Variants in SV2B observed in about 807,000 individuals in gnomAD.
SV2B encodes the protein synaptic vesicle glycoprotein 2B.
SV2B carries 41 observed loss-of-function variants against 73.9 expected under a neutral mutation model. The observed-to-expected ratio is 0.56, with a 90% CI of 0.43 to 0.72. The LOEUF (loss-of-function observed/expected upper bound fraction) is 0.72. Ranked by LOEUF, SV2B falls within the 30% of genes least tolerant of loss-of-function variation. The pLI is 0.00. For missense variants in SV2B, 764 were observed against 857.8 expected (o/e 0.89, Z 1.37); for synonymous variants, 314 against 314.2 (o/e 1.00, Z 0.01).
intron 1 of SV2B, among the ~76,000 whole-genome samples, chr15:91,154,229 T>C (rs929611184): frequency 3.3e-5 from 5 of 150,946 alleles, no homozygotes; most frequent in African/African-American, 1.2e-4. Context: ...GATACTTTTT[T>C]ATAGACCAGT....
At chr15:91,198,455 ATG>A (rs5814467) in intron 1 of SV2B, among the ~76,000 whole-genome samples, 51,125 of 136,526 alleles carry the variant, frequency 0.37, 10,546 homozygotes, top group East Asian at 0.64. Flanking sequence ...AAGCACGTGT[ATG>A]TGTGTGTGTG....
intron 1 of SV2B, among the ~76,000 whole-genome samples, chr15:91,133,256 C>T (rs1186004234): frequency 6.6e-6 from 1 of 152,132 alleles, no homozygotes; most frequent in African/African-American, 2.4e-5. Flanking sequence ...AACAGCATTT[C>T]CTGTTGGGGC....
intron 1 of SV2B, among the ~76,000 whole-genome samples, chr15:91,164,641 G>A (rs2043845382): frequency 6.6e-6 from 1 of 152,142 alleles, no homozygotes; most frequent in African/African-American, 2.4e-5. Flanking sequence ...GTACACTAGG[G>A]TCTAGGGATA....
intron 2 of SV2B, among the ~76,000 whole-genome samples, chr15:91,248,266 A>C (rs1425866807): frequency 6.6e-6 from 1 of 152,182 alleles, no homozygotes; most frequent in East Asian, 1.9e-4. Context: ...GCTTGCAGTG[A>C]GCCGAGATCG....
Position 91,297,500 on chromosome 15 carries a change from G to T in SV2B, c.*4948G>T, listed in dbSNP as rs2141839062. 6.6e-6 allele frequency: 1 copy of T among 152,294 alleles called. No individual in the cohort carries two copies. The highest frequency in any genetic ancestry group is 1.5e-5 in the Non-Finnish European group (1 of 68,022). 9.4% of individuals were successfully genotyped at this position (152,294 alleles called of 1,614,324 possible). A position where few individuals can be genotyped will look rare whatever the true frequency, so the allele number is the denominator to read the frequency against. On this transcript the variant is annotated 3_prime_UTR_variant, in exon 13 of 13. Coordinates refer to ENST00000394232, the MANE Select transcript of SV2B (RefSeq NM_001323032.3). The surrounding 1 kb of genome is among the most constrained non-coding windows in gnomAD (Gnocchi z 5.1). ...CACTCTTCAAGGCCCCATCCCCAGA[G>T]ATTCGGATTCTGGGGATTTGGAATC...
At chr15:91,156,444 A>G (rs1183357919) in intron 1 of SV2B, among the ~76,000 whole-genome samples, 1 of 152,244 alleles carries the variant, frequency 6.6e-6, no homozygotes, top group African/African-American at 2.4e-5. Context: ...TTTAAGCACC[A>G]GATTCGTGAA....
At chr15:91,263,477 G>GAC (rs377065333) in intron 6 of SV2B, among the ~76,000 whole-genome samples, 4 of 147,686 alleles carry the variant, frequency 2.7e-5, no homozygotes, top group Non-Finnish European at 6.0e-5. Flanking sequence ...GACACACAGG[G>GAC]ACACACACAC....
Position 91,141,729 on chromosome 15 carries a change from G to C in SV2B, c.-392+41366G>C, listed in dbSNP as rs1302502376. Among the ~76,000 whole-genome samples the C allele has an allele frequency of 7.0e-6, 1 of 143,862 alleles. No individual in the cohort carries two copies. Among genetic ancestry groups the C allele is most frequent in the Non-Finnish European group, 1.5e-5 (1 of 65,566 alleles). The allele number at this position is 143,862 out of a possible 152,430, so 94.4% of individuals were successfully genotyped here. A position where few individuals can be genotyped will look rare whatever the true frequency, so the allele number is the denominator to read the frequency against. On this transcript the variant is annotated intron_variant, in intron 1 of 12. Coordinates refer to ENST00000394232, the MANE Select transcript of SV2B (RefSeq NM_001323032.3). The surrounding 1 kb of genome is among the most constrained non-coding windows in gnomAD (Gnocchi z 4.6). The stretch of plus-strand genomic sequence containing the variant: ...TTCAAGCCAATAGAGTTGCCAAATA[G>C]TTTGGGTTTTGTTTTGTTTTTTTTT...
chr15:91,173,858 G>A (rs997251598), intron 1 of SV2B, among the ~76,000 whole-genome samples: 5 of 152,126 alleles, frequency 3.3e-5, no homozygotes, highest in African/African-American at 1.2e-4. Flanking sequence ...ATCCTCTAAC[G>A]TGCAAGTCTC....
At chr15:91,108,966 G>C (rs1194917896) in intron 1 of SV2B, among the ~76,000 whole-genome samples, 1 of 152,194 alleles carries the variant, frequency 6.6e-6, no homozygotes, top group African/African-American at 2.4e-5. Flanking sequence ...TCAGTTGTTA[G>C]AGCTTGATTC....
At chr15:91,144,636 C>T (rs2043092907) in intron 1 of SV2B, among the ~76,000 whole-genome samples, 1 of 152,168 alleles carries the variant, frequency 6.6e-6, no homozygotes, top group East Asian at 1.9e-4. Context: ...GAGTTTGTGG[C>T]CAGCTCAGAG....
chr15:91,215,259 C>G (rs979569415), intron 1 of SV2B, among the ~76,000 whole-genome samples: 3 of 152,210 alleles, frequency 2.0e-5, no homozygotes, highest in Non-Finnish European at 4.4e-5. Context: ...CACAATGAAA[C>G]TGTTTCCTGG....
chr15:91,277,158 T>C (rs1026023626), intron 9 of SV2B, among the ~76,000 whole-genome samples: 1 of 152,210 alleles, frequency 6.6e-6, no homozygotes, highest in African/African-American at 2.4e-5. Context: ...TGTCTTGTAA[T>C]GTTGGGTTGC....
intron 1 of SV2B, among the ~76,000 whole-genome samples, chr15:91,164,203 C>T (rs1454677414): frequency 6.6e-6 from 1 of 152,096 alleles, no homozygotes; most frequent in African/African-American, 2.4e-5. Flanking sequence ...CAATGCCATC[C>T]CCATCAAGCT....
rs937011561 is a variant in SV2B, at chr15:91,121,376, A to T, written c.-392+21013A>T. On this transcript the variant is annotated intron_variant, in intron 1 of 12. Coordinates refer to ENST00000394232, the MANE Select transcript of SV2B (RefSeq NM_001323032.3). The surrounding 1 kb of genome is among the most constrained non-coding windows in gnomAD (Gnocchi z 4.4). ...GATGGGAGTATAAATTGAATTTTTT[A>T]AAAATAAGCTGCCCAATGATCCTAA... is the stretch of plus-strand genomic sequence containing the variant. 6.6e-6 allele frequency among the ~76,000 whole-genome samples: 1 copy of T among 152,178 alleles called. No homozygotes were observed. The highest frequency in any genetic ancestry group is 2.1e-4 in the South Asian group (1 of 4,832).
At chr15:91,144,845 T>C (rs2043099413) in intron 1 of SV2B, among the ~76,000 whole-genome samples, 1 of 152,044 alleles carries the variant, frequency 6.6e-6, no homozygotes, top group Admixed American at 6.6e-5. Flanking sequence ...TGTTAATTAA[T>C]GTGTGCATAC....
rs1379777532 is a variant in SV2B, at chr15:91,289,534, A to T, written c.1722A>T (p.Leu574=). 3 of 1,614,174 alleles carry T rather than the reference A, an allele frequency of 1.9e-6. No homozygotes were observed. Among genetic ancestry groups the T allele is most frequent in the Non-Finnish European group, 2.5e-6 (3 of 1,180,028 alleles). ...GRLKMIGGSM[L]ISAVCCFFLF... is the part of the protein sequence containing the mutation. ...CTCCCTCTGCAGGTGGCTCCATGCT[A>T]ATCTCTGCAGTCTGCTGCTTCTTCC... The change falls in exon 12 of 13, where the codon CTA becomes CTT. Residue 574 remains leucine (L), a synonymous_variant. Coordinates refer to ENST00000394232, the MANE Select transcript of SV2B (RefSeq NM_001323032.3). This position sits in a 1 kb window ranked among gnomAD's most constrained non-coding sequence, Gnocchi z 4.9.
rs543877309 is a variant in SV2B at position 91,231,960 on chromosome 15, A to G, written c.451+5246A>G. The stretch of plus-strand genomic sequence containing the variant: ...AGAATAAATTGTGAGCTGAATTTTC[A>G]TAGCAGCTCAGAGATAGATATATTA... On this transcript the variant is annotated intron_variant, in intron 2 of 12. Coordinates refer to ENST00000394232, the MANE Select transcript of SV2B (RefSeq NM_001323032.3). The surrounding 1 kb of genome is among the most constrained non-coding windows in gnomAD (Gnocchi z 4.5). Among the ~76,000 whole-genome samples, 1 of 152,328 alleles carries G rather than the reference A, an allele frequency of 6.6e-6. No individual in the cohort carries two copies. Among genetic ancestry groups the G allele is most frequent in the African/African-American group, 2.4e-5 (1 of 41,582 alleles).
rs2046713422 is a variant in SV2B at position 91,234,729 on chromosome 15, T to C, written c.451+8015T>C. Among the ~76,000 whole-genome samples, 1 of 152,168 alleles carries C rather than the reference T, an allele frequency of 6.6e-6. No individual in the cohort carries two copies. The highest frequency in any genetic ancestry group is 2.4e-5 in the African/African-American group (1 of 41,422). On this transcript the variant is annotated intron_variant, in intron 2 of 12. Coordinates refer to ENST00000394232, the MANE Select transcript of SV2B (RefSeq NM_001323032.3). The surrounding 1 kb of genome is among the most constrained non-coding windows in gnomAD (Gnocchi z 5.6). ...AGAAACCCTTGAATGAAAGGGAGGC[T>C]GAATCTCCTTGAGGAGGGACCCCAG... is the stretch of plus-strand genomic sequence containing the variant.
Sources: allele counts gnomAD v4.1 joint callset (sites outside exome capture counted in the v4.1 genomes callset), GRCh38; gene constraint gnomAD v4.1.1; non-coding constraint Gnocchi (gnomAD v3.1); transcripts MANE v1.5; gene names NCBI Gene and HGNC (gene_info 2026-07-23, HGNC 2026-07-21).